The following GALNT16 variants were observed in gnomAD, a reference collection of about 807,000 sequenced individuals.
GALNT16 encodes the protein polypeptide N-acetylgalactosaminyltransferase 16, also known as UDP-GalNAc:polypeptide N-acetylgalactosaminyltransferase-like protein 1.
Under a neutral mutation model 76.1 loss-of-function variants are expected in GALNT16, and 40 were observed. The observed-to-expected ratio is 0.53, with a 90% CI of 0.41 to 0.68. GALNT16 has a LOEUF of 0.68. Among genes scored for constraint, GALNT16 ranks in the 30% least tolerant of loss-of-function variants. GALNT16 has a pLI of 0.00. For synonymous variants in GALNT16, 276 were observed against 285.2 expected (o/e 0.97, Z 0.32); for missense variants, 621 against 731.9 (o/e 0.85, Z 1.75).
Position 69,347,933 on chromosome 14 carries a change from C to G in GALNT16, c.1470C>G (p.Thr490=), listed in dbSNP as rs147499435. The G allele has an allele frequency of 3.1e-6, 5 of 1,613,744 alleles. No homozygotes were observed. The highest frequency in any genetic ancestry group is 3.4e-6 in the Non-Finnish European group (4 of 1,179,786). The part of the protein sequence containing the change: ...IQQQGKCLAA[T]STLMSSPGSP... ...AGCAGGGGAAGTGCCTGGCTGCCAC[C>G]TCCACCTTAATGTCCTCCCCTGGAT... The change falls in exon 14 of 15, where the codon ACC becomes ACG. Residue 490 remains threonine (T), a synonymous_variant. Coordinates refer to ENST00000448469, the MANE Select transcript of GALNT16 (RefSeq NM_001168368.2).
At chr14:69,317,909 C>T (rs1027395715) in intron 1 of GALNT16, among the ~76,000 whole-genome samples, 1 of 152,136 alleles carries the variant, frequency 6.6e-6, no homozygotes, top group African/African-American at 2.4e-5. Flanking sequence ...GGTTACATAT[C>T]GGAAGTAGAA....
the GALNT16 span, among the ~76,000 whole-genome samples, chr14:69,371,918 TG>T: frequency 6.6e-6 from 1 of 152,008 alleles, no homozygotes; most frequent in Non-Finnish European, 1.5e-5. Context: ...CACTCCAGCC[TG>T]GGCGACAGAG....
At chr14:69,326,065 C>G (rs772097533) in intron 5 of GALNT16, 38 bp downstream of exon 5, 1 of 1,506,914 alleles carries the variant, frequency 6.6e-7, no homozygotes. Context: ...AAGGGCCCAT[C>G]TTGGTGTCAT....
At position 69,326,042 on chromosome 14, in the gene GALNT16, C is replaced by T. The variant is rs2045280339; in HGVS notation, c.568+15C>T. ...TCGGCGGGAAGGTGAGTCCTTGCAC[C>T]CTGGGTCCCACCAAGGGCCCATCTT... is the stretch of plus-strand genomic sequence containing the variant. On this transcript the variant is annotated intron_variant, in intron 5 of 14. Coordinates refer to ENST00000448469, the MANE Select transcript of GALNT16 (RefSeq NM_001168368.2). The T allele has an allele frequency of 1.2e-6, 2 of 1,606,934 alleles. No homozygotes were observed. The highest frequency in any genetic ancestry group is 2.7e-5 in the African/African-American group (2 of 74,760).
At chr14:69,361,835 C>T (rs374323277), downstream of GALNT16, among the ~76,000 whole-genome samples, 17 of 152,136 alleles carry the variant, frequency 1.1e-4, no homozygotes, top group South Asian at 1.9e-3. Context: ...GGCGAAACTC[C>T]GTCTCTACTA....
At chr14:69,322,116 C>A (rs2045196577) in intron 2 of GALNT16, among the ~76,000 whole-genome samples, 3 of 152,232 alleles carry the variant, frequency 2.0e-5, no homozygotes. Flanking sequence ...GAGCCCCAGA[C>A]CTTGGCCTTG....
At chr14:69,308,327 G>A (rs1005467234) in intron 1 of GALNT16, among the ~76,000 whole-genome samples, 1 of 151,346 alleles carries the variant, frequency 6.6e-6, no homozygotes, top group Non-Finnish European at 1.5e-5. Context: ...TGAAGGAAAA[G>A]GTAAAAGTCT....
chr14:69,361,584 G>A (rs1036431221), downstream of GALNT16, among the ~76,000 whole-genome samples: 3 of 152,212 alleles, frequency 2.0e-5, no homozygotes, highest in Admixed American at 2.0e-4. Flanking sequence ...CTAACAGGCT[G>A]AGAGCTTTTG....
rs1226899887 is a variant in GALNT16, at chr14:69,322,997, CACGCAT to C, written c.336-1694_336-1689del. Among the ~76,000 whole-genome samples the C allele has an allele frequency of 2.7e-4, 10 of 37,456 alleles. No homozygotes were observed. In the African/African-American group the frequency reaches 2.7e-3, roughly 10 times the overall value. 24.6% of individuals were successfully genotyped at this position (37,456 alleles called of 152,430 possible). A position where few individuals can be genotyped will look rare whatever the true frequency, so the allele number is the denominator to read the frequency against. ...GTGTGTGTGTGCGCGCGCACGCGCGCACGCATGCACACGTGTAGGGAAGCAAAGGAC... is the reference window on the plus strand; with the variant it reads ...GTGTGTGTGTGCGCGCGCACGCGCGCGCACACGTGTAGGGAAGCAAAGGAC... On this transcript the variant is annotated intron_variant, in intron 2 of 14. Coordinates refer to ENST00000448469, the MANE Select transcript of GALNT16 (RefSeq NM_001168368.2).
rs755954562 is a variant in GALNT16, at chr14:69,338,778, G to C, written c.1094+1G>C. On this transcript the variant is annotated splice_donor_variant, in intron 10 of 14. Coordinates refer to ENST00000448469, the MANE Select transcript of GALNT16 (RefSeq NM_001168368.2). LOFTEE classifies it high-confidence loss of function. The stretch of plus-strand genomic sequence containing the variant: ...AGGGTAATGCCCTCACCTACATCAG[G>C]TAGGTCACCGAGAAAGGAGCACGGG... 1.2e-6 allele frequency: 2 copies of C among 1,611,002 alleles called. No homozygotes were observed. The highest frequency in any genetic ancestry group is 1.7e-6 in the Non-Finnish European group (2 of 1,178,562).
the GALNT16 span, among the ~76,000 whole-genome samples, chr14:69,363,530 A>G: frequency 1.3e-4 from 20 of 152,232 alleles, no homozygotes; most frequent in Non-Finnish European, 2.8e-4. Context: ...TGAGATTTAA[A>G]TAACATTTGT....
At chr14:69,284,412 C>T (rs1026616891) in intron 1 of GALNT16, among the ~76,000 whole-genome samples, 6 of 152,284 alleles carry the variant, frequency 3.9e-5, no homozygotes, top group East Asian at 1.9e-4. Flanking sequence ...TAACTCACCC[C>T]GTGTGGCGTG....
chr14:69,270,074 C>T (rs1159527786), intron 1 of GALNT16, among the ~76,000 whole-genome samples: 1 of 151,968 alleles, frequency 6.6e-6, no homozygotes, highest in Non-Finnish European at 1.5e-5. Context: ...ACAGTTGGGA[C>T]TCTGGAAATT....
At chr14:69,279,771 G>A (rs559478966) in intron 1 of GALNT16, among the ~76,000 whole-genome samples, 3 of 152,344 alleles carry the variant, frequency 2.0e-5, no homozygotes, top group East Asian at 1.9e-4. Flanking sequence ...AAGGCTTGGC[G>A]TAGTAACCCC....
the GALNT16 span, among the ~76,000 whole-genome samples, chr14:69,369,536 T>C: frequency 6.6e-6 from 1 of 152,164 alleles, no homozygotes; most frequent in African/African-American, 2.4e-5. Flanking sequence ...ACCACTGGCA[T>C]GTGTCTTCAA....
At chr14:69,346,055 T>A (rs1594868993) in intron 12 of GALNT16, among the ~76,000 whole-genome samples, 1 of 112,026 alleles carries the variant, frequency 8.9e-6, no homozygotes, top group Admixed American at 8.8e-5. Flanking sequence ...GCCTGGATAA[T>A]TTTTTTTTTT....
At chr14:69,303,442 C>T (rs117074025) in intron 1 of GALNT16, among the ~76,000 whole-genome samples, 456 of 152,196 alleles carry the variant, frequency 3.0e-3, no homozygotes, top group Non-Finnish European at 4.5e-3. Context: ...TTGCAGAGAC[C>T]ATCCTTTCTC....
At chr14:69,317,827 AAT>A (rs944520211) in intron 1 of GALNT16, among the ~76,000 whole-genome samples, 4 of 152,182 alleles carry the variant, frequency 2.6e-5, no homozygotes, top group Admixed American at 2.6e-4. Context: ...AAGATCAAAG[AAT>A]GGGGCTAAAG....
the GALNT16 span, among the ~76,000 whole-genome samples, chr14:69,367,013 G>A: frequency 0.045 from 6,917 of 152,210 alleles, 243 homozygotes; most frequent in Non-Finnish European, 0.073. Context: ...ATGATTAAGG[G>A]TTAAAGTGTA....
Sources: gnomAD v4.1 joint callset for allele counts (sites outside exome capture counted in the v4.1 genomes callset) on GRCh38, gnomAD v4.1.1 for gene constraint, MANE v1.5 for transcripts, NCBI Gene and HGNC (gene_info 2026-07-23, HGNC 2026-07-21) for gene names.